Variants in UNC13C observed in about 807,000 individuals in gnomAD.
UNC13C encodes unc-13 homolog C.
In UNC13C, 174 loss-of-function variants were observed where a neutral mutation model predicts 245.4. The ratio of observed to expected loss-of-function variants is 0.71; its 90% CI spans 0.63 to 0.80. The LOEUF is 0.80. UNC13C is among the 30% of genes least tolerant of loss of function. The pLI is 0.00. For missense variants in UNC13C, 2,829 were observed against 2,602.9 expected, an observed-to-expected ratio of 1.09 and a Z score of -1.89; for synonymous variants, 992 against 895.1, an observed-to-expected ratio of 1.11 and a Z score of -1.93.
At chr15:54,300,541 T>A (rs1454895666) in intron 13 of UNC13C, among the ~76,000 whole-genome samples, 168 bp downstream of exon 13, 2 of 152,170 alleles carry the variant, frequency 1.3e-5, no homozygotes, top group African/African-American at 4.8e-5. Context: ...AAAGTATTAA[T>A]GACTTGGTAA....
At chr15:54,085,186 T>G (rs1899167070) in intron 2 of UNC13C, among the ~76,000 whole-genome samples, 1 of 152,116 alleles carries the variant, frequency 6.6e-6, no homozygotes, top group Admixed American at 6.5e-5. Context: ...ACTAAGAAGC[T>G]AGTAGAGAGT....
chr15:54,597,098 A>C (rs553644759), intron 30 of UNC13C, among the ~76,000 whole-genome samples: 2 of 152,282 alleles, frequency 1.3e-5, no homozygotes, highest in Admixed American at 6.5e-5. Flanking sequence ...AGGAGTGCAC[A>C]ACCCAGATCC....
chr15:54,121,226 C>A (rs541844873), intron 2 of UNC13C, among the ~76,000 whole-genome samples: 24 of 152,266 alleles, frequency 1.6e-4, no homozygotes, highest in African/African-American at 5.8e-4. Flanking sequence ...AGTCACCTCA[C>A]ACTTCAACAA....
chr15:54,337,683 GTCTT>G (rs1269293692), intron 16 of UNC13C, among the ~76,000 whole-genome samples: 2 of 152,086 alleles, frequency 1.3e-5, no homozygotes, highest in African/African-American at 4.8e-5. Context: ...CTCATAATTG[GTCTT>G]TCTATTTTTT....
At chr15:54,363,802 T>A (rs1017856417) in intron 17 of UNC13C, among the ~76,000 whole-genome samples, 34 of 152,220 alleles carry the variant, frequency 2.2e-4, no homozygotes, top group Admixed American at 2.2e-3. Flanking sequence ...AGCTTTTTGA[T>A]GTATGTTGAA....
intron 1 of UNC13C, among the ~76,000 whole-genome samples, chr15:53,981,503 CTG>C (rs1893925846): frequency 6.6e-6 from 1 of 152,096 alleles, no homozygotes; most frequent in Non-Finnish European, 1.5e-5. Context: ...TTTAGAATAA[CTG>C]TAGCAAAAAA....
intron 2 of UNC13C, among the ~76,000 whole-genome samples, chr15:54,116,831 T>C (rs1208950804): frequency 6.6e-6 from 1 of 152,136 alleles, no homozygotes; most frequent in South Asian, 2.1e-4. Flanking sequence ...AGTTTTAAGT[T>C]TTTTGAGGAA....
chr15:53,932,663 T>C, the UNC13C span, among the ~76,000 whole-genome samples: 5 of 152,170 alleles, frequency 3.3e-5, no homozygotes, highest in African/African-American at 7.2e-5. Flanking sequence ...TTTTTCTGCC[T>C]TTTCTTCCTA....
intron 1 of UNC13C, among the ~76,000 whole-genome samples, chr15:53,987,567 G>A (rs761293975): frequency 6.6e-6 from 1 of 151,878 alleles, no homozygotes; most frequent in Non-Finnish European, 1.5e-5. Context: ...ATATGCTGCA[G>A]CACTAGCAGG....
chr15:54,600,471 G>T (rs1053001513), intron 30 of UNC13C, among the ~76,000 whole-genome samples: 1 of 152,076 alleles, frequency 6.6e-6, no homozygotes, highest in South Asian at 2.1e-4. Flanking sequence ...GGTCCAATTT[G>T]AGAACAAGAT....
the UNC13C span, among the ~76,000 whole-genome samples, chr15:53,854,579 C>T: frequency 0.011 from 1,646 of 152,054 alleles, 21 homozygotes; most frequent in Admixed American, 0.025. Context: ...TGTTTTTGTC[C>T]GGTTTGTCAA....
At position 54,212,179 on chromosome 15, in the gene UNC13C, C is replaced by T. The variant is rs149059771; in HGVS notation, c.3072-22851C>T. Among the ~76,000 whole-genome samples the T allele has an allele frequency of 3.7e-3, 558 of 152,144 alleles. 6 individuals are homozygous for T. Among genetic ancestry groups the T allele is most frequent in the African/African-American group, 0.013 (547 of 41,522 alleles). On this transcript the variant is annotated intron_variant, in intron 4 of 32. Coordinates refer to ENST00000260323, the MANE Select transcript of UNC13C (RefSeq NM_001080534.3). ...TTGACATGTTCTCTTTACCTCATTT[C>T]CCAAGGTGAAATAATCACAAAATGG...
chr15:54,214,072 A>G (rs1339857293), intron 4 of UNC13C, among the ~76,000 whole-genome samples: 2 of 151,868 alleles, frequency 1.3e-5, no homozygotes, highest in African/African-American at 2.4e-5. Flanking sequence ...TCCCTCCAAT[A>G]CCCATTCCCT....
chr15:53,874,314 T>C, the UNC13C span, among the ~76,000 whole-genome samples: 2 of 152,208 alleles, frequency 1.3e-5, no homozygotes, highest in Admixed American at 1.3e-4. Flanking sequence ...CAATGCAATG[T>C]GCATAATTAG....
At chr15:54,378,606 A>G (rs1053176073) in intron 17 of UNC13C, among the ~76,000 whole-genome samples, 1 of 151,444 alleles carries the variant, frequency 6.6e-6, no homozygotes, top group Non-Finnish European at 1.5e-5. Flanking sequence ...TAACTATCAG[A>G]AATATAGAAA....
At chr15:54,367,586 C>T (rs1470050906) in intron 17 of UNC13C, among the ~76,000 whole-genome samples, 2 of 152,128 alleles carry the variant, frequency 1.3e-5, no homozygotes, top group Admixed American at 6.6e-5. Flanking sequence ...TCCATGAATA[C>T]TGATAGAACG....
At chr15:54,238,552 G>A (rs2035768526) in intron 7 of UNC13C, among the ~76,000 whole-genome samples, 1 of 152,168 alleles carries the variant, frequency 6.6e-6, no homozygotes, top group African/African-American at 2.4e-5. Context: ...GAGAGGATTA[G>A]GAAGTAGATA....
chr15:53,890,140 C>CTTTTTTTTTTTTTT, the UNC13C span, among the ~76,000 whole-genome samples: 2 of 145,244 alleles, frequency 1.4e-5, no homozygotes, highest in Non-Finnish European at 1.5e-5. Context: ...ACCAGCGCCT[C>CTTTTTTTTTTTTTT]TTTTTTTTTT....
At chr15:54,617,806 T>G (rs1365096196) in intron 30 of UNC13C, among the ~76,000 whole-genome samples, 2 of 152,090 alleles carry the variant, frequency 1.3e-5, no homozygotes. Context: ...GTCATTCCAA[T>G]CCAGAGTCCT....
Sources: gnomAD v4.1 joint callset for allele counts (sites outside exome capture counted in the v4.1 genomes callset) on GRCh38, gnomAD v4.1.1 for gene constraint, MANE v1.5 for transcripts, NCBI Gene and HGNC (gene_info 2026-07-23, HGNC 2026-07-21) for gene names.